Variants in DOCK2 observed in about 807,000 individuals in gnomAD.
The protein encoded by DOCK2 is dedicator of cytokinesis protein 2.
DOCK2 carries 87 observed loss-of-function variants against 248.9 expected under a neutral mutation model. That is an observed-to-expected ratio of 0.35 (90% CI 0.29 to 0.42). DOCK2 has a LOEUF of 0.42. DOCK2 is among the 10% of genes least tolerant of loss of function. The pLI, the probability that DOCK2 is intolerant of heterozygous loss-of-function variation, is 1.00. For synonymous variants in DOCK2, 805 were observed against 821.6 expected (o/e 0.98, Z 0.35); for missense variants, 1,747 against 2,300.2 (o/e 0.76, Z 4.92).
At position 169,794,709 on chromosome 5, in the gene DOCK2, G is replaced by C. The variant is rs562521177; in HGVS notation, c.2555-8349G>C. Among the ~76,000 whole-genome samples the C allele has an allele frequency of 2.0e-5, 3 of 152,266 alleles. No individual in the cohort carries two copies. In the South Asian group the frequency reaches 6.2e-4, roughly 32 times the overall value. ...GGAGGCCGAGGCGGGCGGATCACGA[G>C]GTCAGGAGATCGAGACCATCCTGGC... is the stretch of plus-strand genomic sequence containing the variant. On this transcript the variant is annotated intron_variant, in intron 25 of 51. Coordinates refer to ENST00000520908, the MANE Select transcript of DOCK2 (RefSeq NM_004946.3).
At position 169,965,517 on chromosome 5, in the gene DOCK2, T is replaced by C. The variant is rs559612295; in HGVS notation, c.2800-17551T>C. On this transcript the variant is annotated intron_variant, in intron 27 of 51. Coordinates refer to ENST00000520908, the MANE Select transcript of DOCK2 (RefSeq NM_004946.3). ...GGTCAGCATGGCTCATTTTTGTCTA[T>C]TGAGCTCACTCACCCTTAAGAGCAG... Among the ~76,000 whole-genome samples, 63 of 152,354 alleles carry C rather than the reference T, an allele frequency of 4.1e-4. No individual in the cohort carries two copies. In the Middle Eastern group the frequency reaches 0.01, roughly 25 times the overall value.
At chr5:169,758,627 G>A (rs1764320445) in intron 23 of DOCK2, among the ~76,000 whole-genome samples, 2 of 152,184 alleles carry the variant, frequency 1.3e-5, no homozygotes, top group South Asian at 4.1e-4. Context: ...CTCTCCACTT[G>A]CTAACTTTTC....
Position 169,681,639 on chromosome 5 carries a change from C to CAT in DOCK2, c.471-105_471-104insAT. ...ATCAGTGTAGAGCTCTTCTATGTGA[C>CAT]TATATGACCCCCAGAAATCAGCTGA... On this transcript the variant is annotated intron_variant, in intron 6 of 51. Coordinates refer to ENST00000520908, the MANE Select transcript of DOCK2 (RefSeq NM_004946.3). The CAT allele has an allele frequency of 2.9e-6, 4 of 1,371,892 alleles. No homozygotes were observed. In the South Asian group the frequency reaches 4.7e-5, roughly 16 times the overall value. 85.0% of individuals were successfully genotyped at this position (1,371,892 alleles called of 1,614,324 possible).
At chr5:170,015,050 C>A (rs1003111329) in intron 32 of DOCK2, among the ~76,000 whole-genome samples, 5 of 152,102 alleles carry the variant, frequency 3.3e-5, no homozygotes, top group African/African-American at 1.2e-4. Flanking sequence ...AATAAAATGA[C>A]CAGCCTGAAA....
At chr5:169,665,420 ATTTATATGTATATACACATG>A (rs11268513) in intron 2 of DOCK2, among the ~76,000 whole-genome samples, 48,402 of 148,936 alleles carry the variant, frequency 0.32, 8,093 homozygotes, top group Middle Eastern at 0.46. Flanking sequence ...GTGTGTGTAT[ATTTATATGTATATACACATG>A]TTTATATGTA....
At chr5:169,861,823 G>A (rs1307784402) in intron 27 of DOCK2, among the ~76,000 whole-genome samples, 1 of 152,172 alleles carries the variant, frequency 6.6e-6, no homozygotes, top group Admixed American at 6.5e-5. Context: ...CCAGTTTCAG[G>A]TCAGTGGCCC....
chr5:169,790,684 CT>C, intron 25 of DOCK2, among the ~76,000 whole-genome samples: 1 of 152,236 alleles, frequency 6.6e-6, no homozygotes, highest in South Asian at 2.1e-4. Flanking sequence ...TGAAAAACTT[CT>C]GCATAGCATT....
chr5:169,671,287 G>A, intron 5 of DOCK2, 113 bp downstream of exon 5: 2 of 865,986 alleles, frequency 2.3e-6, no homozygotes, highest in Non-Finnish European at 3.7e-6. Flanking sequence ...TGGTGACATA[G>A]CAGAGCGCAC....
chr5:169,889,798 C>G (rs1182951841), intron 27 of DOCK2, among the ~76,000 whole-genome samples: 2 of 152,170 alleles, frequency 1.3e-5, no homozygotes, highest in Admixed American at 1.3e-4. Flanking sequence ...AAATATGCAA[C>G]TGAATGGATT....
intron 14 of DOCK2, among the ~76,000 whole-genome samples, chr5:169,705,444 A>G (rs1761213114): frequency 6.6e-6 from 1 of 152,042 alleles, no homozygotes; most frequent in Admixed American, 6.6e-5. Context: ...TAAGACCATG[A>G]CCCCTGGGGC....
intron 25 of DOCK2, among the ~76,000 whole-genome samples, chr5:169,774,720 C>T (rs897321630): frequency 5.3e-5 from 8 of 152,150 alleles, no homozygotes; most frequent in Admixed American, 1.3e-4. Context: ...CATTCCTTTC[C>T]GAGTAGATAG....
intron 8 of DOCK2, among the ~76,000 whole-genome samples, chr5:169,687,978 G>A (rs949773580): frequency 6.6e-6 from 1 of 152,138 alleles, no homozygotes; most frequent in East Asian, 1.9e-4. Context: ...AGACTGGAGT[G>A]CAGTGGCATG....
chr5:169,908,081 T>C (rs1361552970), intron 27 of DOCK2, among the ~76,000 whole-genome samples: 1 of 152,200 alleles, frequency 6.6e-6, no homozygotes, highest in East Asian at 1.9e-4. Context: ...AAAGCTTTCA[T>C]TGAACAACAG....
chr5:169,829,248 A>G (rs1412758854), intron 26 of DOCK2, among the ~76,000 whole-genome samples: 1 of 152,130 alleles, frequency 6.6e-6, no homozygotes, highest in Non-Finnish European at 1.5e-5. Flanking sequence ...TCTTATTCCT[A>G]TGCCCATGGA....
chr5:169,889,190 T>C (rs55848615), intron 27 of DOCK2, among the ~76,000 whole-genome samples: 5,310 of 152,338 alleles, frequency 0.035, 183 homozygotes, highest in African/African-American at 0.089. Context: ...GTTGGATAGT[T>C]GCATGGAATA....
At chr5:169,864,250 G>A in intron 27 of DOCK2, 1 of 1,547,520 alleles carries the variant, frequency 6.5e-7, no homozygotes, top group Non-Finnish European at 8.7e-7. Flanking sequence ...GAGTTGGGGG[G>A]CTGGGGGATG....
chr5:169,681,895 T>C lies in DOCK2; in HGVS notation c.606+16T>C, dbSNP rs781698097. On this transcript the variant is annotated intron_variant, in intron 7 of 51. Transcript: ENST00000520908. ...AGAAGAAATGGTGAGCTTTACTAAATAGGCTTTGGCCAAGTGATACAATCA... is the reference window on the plus strand; with the variant it reads ...AGAAGAAATGGTGAGCTTTACTAAACAGGCTTTGGCCAAGTGATACAATCA... The C allele has an allele frequency of 4.0e-5, 64 of 1,612,348 alleles. No homozygotes were observed. The highest frequency in any genetic ancestry group is 4.7e-5 in the Non-Finnish European group (56 of 1,179,440).
chr5:169,872,404 T>C (rs1443099660), intron 27 of DOCK2, among the ~76,000 whole-genome samples: 2 of 152,234 alleles, frequency 1.3e-5, no homozygotes, highest in Non-Finnish European at 2.9e-5. Flanking sequence ...AGGGATATTG[T>C]TCCTAAAACT....
rs752670576 is a variant in DOCK2, at chr5:169,711,815, G to T, written c.1483-120G>T. The T allele has an allele frequency of 4.0e-6, 4 of 1,001,956 alleles. No homozygotes were observed. The African/African-American group carries it at 4.8e-5, about 12-fold the overall frequency. 62.1% of individuals were successfully genotyped at this position (1,001,956 alleles called of 1,614,324 possible). On this transcript the variant is annotated intron_variant, in intron 15 of 51. Transcript: ENST00000520908. Reference sequence around the variant, plus strand: ...GTTCATCAGCCTCAATGGATGGGTTGTAAATCAGCAGGCAGCTCTCTCAGT... The same window carrying T: ...GTTCATCAGCCTCAATGGATGGGTTTTAAATCAGCAGGCAGCTCTCTCAGT...
Sources: allele counts gnomAD v4.1 joint callset (sites outside exome capture counted in the v4.1 genomes callset), GRCh38; gene constraint gnomAD v4.1.1; transcripts MANE v1.5; gene names NCBI Gene and HGNC (gene_info 2026-07-23, HGNC 2026-07-21).